Variants in ACTN1 observed in about 807,000 individuals in gnomAD.
ACTN1 encodes the protein actinin alpha 1.
A neutral mutation model predicts 119.6 loss-of-function variants in ACTN1; 30 were observed. The ratio of observed to expected loss-of-function variants is 0.25; its 90% CI spans 0.19 to 0.34. ACTN1 has a LOEUF of 0.34. Among genes scored for constraint, ACTN1 ranks in the 10% least tolerant of loss-of-function variants. The pLI is 1.00. For missense variants in ACTN1, 764 were observed against 1,223.4 expected, an observed-to-expected ratio of 0.62 and a Z score of 5.60; for synonymous variants, 429 against 472.6, an observed-to-expected ratio of 0.91 and a Z score of 1.20.
Position 68,909,956 on chromosome 14 carries a change from T to A in ACTN1, c.514A>T (p.Ser172Cys), listed in dbSNP as rs755842027. The change falls in exon 5 of 22, where the codon AGC (serine) becomes TGC (cysteine). Residue 172 changes from serine to cysteine, a missense_variant and splice_region_variant. Physicochemically the swap from Ser to Cys is moderately radical, Grantham distance 112. Transcript: ENST00000394419. The surrounding 1 kb of genome is among the most constrained non-coding windows in gnomAD (Gnocchi z 4.1). Reference sequence around the variant, plus strand: ...AGCCCCTCAGACCCCAGCACTCACCTTATGTGGAAGTTCTGGATGTTGACA... The same window carrying A: ...AGCCCCTCAGACCCCAGCACTCACCATATGTGGAAGTTCTGGATGTTGACA... ...KNVNIQNFHISWKDGLGFCAL... is the reference protein window; with the variant it reads ...KNVNIQNFHICWKDGLGFCAL... 2.5e-6 allele frequency: 4 copies of A among 1,613,550 alleles called. No homozygotes were observed. Among genetic ancestry groups the A allele is most frequent in the Non-Finnish European group, 2.5e-6 (3 of 1,179,554 alleles).
chr14:68,927,543 A>G (rs1218427263), intron 1 of ACTN1, among the ~76,000 whole-genome samples: 1 of 152,172 alleles, frequency 6.6e-6, no homozygotes, highest in Non-Finnish European at 1.5e-5. Flanking sequence ...CAAAGCTGAG[A>G]GGGTCCTGGG....
intron 1 of ACTN1, among the ~76,000 whole-genome samples, chr14:68,955,362 G>A (rs1359482594): frequency 6.6e-6 from 1 of 152,134 alleles, no homozygotes. Context: ...AAATGATCCA[G>A]TCTCATGACA....
At chr14:68,953,254 A>G (rs2036231443) in intron 1 of ACTN1, among the ~76,000 whole-genome samples, 1 of 152,098 alleles carries the variant, frequency 6.6e-6, no homozygotes, top group Non-Finnish European at 1.5e-5. Flanking sequence ...GGTTTCCCCA[A>G]TGCCGGGCTG....
chr14:68,921,462 A>C, intron 2 of ACTN1: 1 of 190,772 alleles, frequency 5.2e-6, no homozygotes, highest in Non-Finnish European at 1.1e-5. Flanking sequence ...TCTTGCCTTT[A>C]TGTAATTACA....
At position 68,928,725 on chromosome 14, in the gene ACTN1, G is replaced by A. The variant is rs575062694; in HGVS notation, c.106-3053C>T. ...AACAGTGGGGAGGAGGAAGATGACAGGACTAGCTCCCCCAAAATGATCCCG... is the reference window on the plus strand; with the variant it reads ...AACAGTGGGGAGGAGGAAGATGACAAGACTAGCTCCCCCAAAATGATCCCG... On this transcript the variant is annotated intron_variant, in intron 1 of 21. Coordinates refer to ENST00000394419, the MANE Select transcript of ACTN1 (RefSeq NM_001130004.2). 1.6e-4 allele frequency among the ~76,000 whole-genome samples: 24 copies of A among 152,290 alleles called. No homozygotes were observed. The South Asian group carries it at 5.0e-3, about 32-fold the overall frequency.
chr14:68,879,154 C>G lies in ACTN1; in HGVS notation c.2281-85G>C. 1 of 802,060 alleles carries G rather than the reference C, an allele frequency of 1.2e-6. No individual in the cohort carries two copies. The highest frequency in any genetic ancestry group is 4.3e-5 in the Admixed American group (1 of 23,186). The allele number at this position is 802,060 out of a possible 1,614,324, so 49.7% of individuals were successfully genotyped here. On this transcript the variant is annotated intron_variant, in intron 18 of 21. Transcript: ENST00000394419. This position sits in a 1 kb window ranked among gnomAD's most constrained non-coding sequence, Gnocchi z 4.9. ...GGGGGCATGCCCCGGGGGAGGGTGGCGTGTGTGGGGAGACACAGGGACAGG... is the reference window on the plus strand; with the variant it reads ...GGGGGCATGCCCCGGGGGAGGGTGGGGTGTGTGGGGAGACACAGGGACAGG...
Position 68,979,118 on chromosome 14 carries a change from C to T in ACTN1, c.-62G>A. The T allele has an allele frequency of 9.4e-7, 1 of 1,059,642 alleles. No individual in the cohort carries two copies. The highest frequency in any genetic ancestry group is 1.3e-6 in the Non-Finnish European group (1 of 743,482). 65.6% of individuals were successfully genotyped at this position (1,059,642 alleles called of 1,614,324 possible). ...CCACCTTCTCTCTGAGCAACGGCTG[C>T]TGCCCTGGCGTGGGGAGGGAGTAGG... On this transcript the variant is annotated 5_prime_UTR_variant, in exon 1 of 22. Transcript: ENST00000394419.
chr14:68,963,009 G>T (rs1186501569), intron 1 of ACTN1, among the ~76,000 whole-genome samples: 1 of 152,042 alleles, frequency 6.6e-6, no homozygotes, highest in East Asian at 1.9e-4. Flanking sequence ...TTTCACTCCA[G>T]CTGCACCCAG....
intron 1 of ACTN1, among the ~76,000 whole-genome samples, chr14:68,969,496 A>G (rs2036810331): frequency 1.3e-5 from 2 of 152,350 alleles, no homozygotes; most frequent in Admixed American, 1.3e-4. Flanking sequence ...GCCATTATCT[A>G]TTATCTGGAG....
intron 1 of ACTN1, among the ~76,000 whole-genome samples, chr14:68,949,250 G>C (rs983034637): frequency 6.6e-6 from 1 of 152,158 alleles, no homozygotes; most frequent in African/African-American, 2.4e-5. Flanking sequence ...GTAAGCTCGG[G>C]GTCCCCGTGC....
intron 8 of ACTN1, among the ~76,000 whole-genome samples, chr14:68,898,581 G>C (rs1029214892): frequency 6.6e-6 from 1 of 152,088 alleles, no homozygotes; most frequent in South Asian, 2.1e-4. Flanking sequence ...AGACAGGAGT[G>C]TGTGAGTCAG....
At chr14:68,929,930 G>A (rs191342541) in intron 1 of ACTN1, among the ~76,000 whole-genome samples, 120 of 152,352 alleles carry the variant, frequency 7.9e-4, no homozygotes, top group Non-Finnish European at 1.3e-3. Context: ...CTGGCCAGGC[G>A]CCAACAGAGG....
intron 1 of ACTN1, chr14:68,974,266 T>TTTCTCTGCTGCTTCTCCCA: frequency 6.5e-6 from 1 of 152,908 alleles, no homozygotes; most frequent in African/African-American, 2.4e-5. Context: ...AGGTCAGCTC[T>TTTCTCTGCTGCTTCTCCCA]GGGAGGGGCA....
At chr14:68,907,290 A>G (rs1594794867) in intron 6 of ACTN1, among the ~76,000 whole-genome samples, 1 of 124,648 alleles carries the variant, frequency 8.0e-6, no homozygotes. Flanking sequence ...AAAGCTGGGC[A>G]TGGTGGGTCA....
At chr14:68,907,259 T>TTAAA in intron 6 of ACTN1, among the ~76,000 whole-genome samples, 1 of 72,986 alleles carries the variant, frequency 1.4e-5, no homozygotes. Flanking sequence ...AAGACTCTCT[T>TTAAA]AAAAAAAAAA....
rs1369253151 is a variant in ACTN1, at chr14:68,881,662, G to C, written c.1954-673C>G. On this transcript the variant is annotated intron_variant, in intron 16 of 21. Coordinates refer to ENST00000394419, the MANE Select transcript of ACTN1 (RefSeq NM_001130004.2). ...AACTCAACATGGTCTCTGTTCTTAAGGAACTCAGAGGCCATGCTCTAGCCA... is the reference window on the plus strand; with the variant it reads ...AACTCAACATGGTCTCTGTTCTTAACGAACTCAGAGGCCATGCTCTAGCCA... 2.0e-5 allele frequency among the ~76,000 whole-genome samples: 3 copies of C among 152,146 alleles called. No homozygotes were observed. In the East Asian group the frequency reaches 5.8e-4, roughly 29 times the overall value.
chr14:68,882,602 GAAC>G lies in ACTN1; in HGVS notation c.1819-13_1819-11del, dbSNP rs766178893. 9.5e-5 allele frequency: 153 copies of G among 1,613,760 alleles called. No individual in the cohort carries two copies. Among genetic ancestry groups the G allele is most frequent in the South Asian group, 8.2e-4 (75 of 91,070 alleles). On this transcript the variant is annotated splice_polypyrimidine_tract_variant and intron_variant, in intron 15 of 21. Transcript: ENST00000394419. The surrounding 1 kb of genome is among the most constrained non-coding windows in gnomAD (Gnocchi z 4.5). The stretch of plus-strand genomic sequence containing the variant: ...GCACCAGCTGCCGCACCTGGGGCAG[GAAC>G]AACAAGGCGACTTTCAGGATGGGTC...
chr14:68,916,041 C>T (rs537444336), intron 3 of ACTN1, among the ~76,000 whole-genome samples: 9 of 152,272 alleles, frequency 5.9e-5, no homozygotes, highest in East Asian at 3.9e-4. Context: ...AGACAATGAA[C>T]GCAGACATTA....
chr14:68,925,746 T>A lies in ACTN1; in HGVS notation c.106-74A>T. ...CCTCATTGGACAAGCCATTTAATGG[T>A]GCCAGGGGGTGGGAGGTGGACACCT... On this transcript the variant is annotated intron_variant, in intron 1 of 21. Coordinates refer to ENST00000394419, the MANE Select transcript of ACTN1 (RefSeq NM_001130004.2). The surrounding 1 kb of genome is among the most constrained non-coding windows in gnomAD (Gnocchi z 4.3). 1 of 1,229,866 alleles carries A rather than the reference T, an allele frequency of 8.1e-7. No individual in the cohort carries two copies. Among genetic ancestry groups the A allele is most frequent in the Non-Finnish European group, 1.2e-6 (1 of 858,166 alleles). The allele number at this position is 1,229,866 out of a possible 1,614,324, so 76.2% of individuals were successfully genotyped here.
Sources: gnomAD v4.1 joint callset for allele counts (sites outside exome capture counted in the v4.1 genomes callset) on GRCh38, gnomAD v4.1.1 for gene constraint, Gnocchi (gnomAD v3.1) non-coding constraint, MANE v1.5 for transcripts, NCBI Gene and HGNC (gene_info 2026-07-23, HGNC 2026-07-21) for gene names.